The following GMDS variants were observed in gnomAD, a reference collection of about 807,000 sequenced individuals.
The protein encoded by GMDS is GDP-mannose 4,6-dehydratase, also known as GDP-mannose 4,6 dehydratase.
Under a neutral mutation model 49.9 loss-of-function variants are expected in GMDS, and 20 were observed. The ratio of observed to expected loss-of-function variants is 0.40; its 90% CI spans 0.28 to 0.58. The LOEUF is 0.58. Among genes scored for constraint, GMDS ranks in the 20% least tolerant of loss-of-function variants. GMDS has a pLI of 0.42. For synonymous variants in GMDS, 177 were observed against 178.6 expected, an observed-to-expected ratio of 0.99 and a Z score of 0.07; for missense variants, 362 against 481.4, an observed-to-expected ratio of 0.75 and a Z score of 2.32.
At chr6:2,030,705 G>A (rs776421666) in intron 4 of GMDS, among the ~76,000 whole-genome samples, 12 of 152,118 alleles carry the variant, frequency 7.9e-5, no homozygotes, top group Non-Finnish European at 1.3e-4. Context: ...AAGTAGTACA[G>A]TTGACAAACT....
intron 9 of GMDS, among the ~76,000 whole-genome samples, chr6:1,678,371 T>C (rs1764688594): frequency 6.6e-6 from 1 of 152,230 alleles, no homozygotes; most frequent in Admixed American, 6.5e-5. Context: ...TGGCAGCTGC[T>C]GCTCCTGGCA....
intron 4 of GMDS, among the ~76,000 whole-genome samples, chr6:2,104,103 A>G (rs535841141): frequency 1.3e-5 from 2 of 152,300 alleles, no homozygotes; most frequent in African/African-American, 4.8e-5. Context: ...GCAGCAGGCT[A>G]TTGCTTGCCG....
intron 9 of GMDS, chr6:1,679,628 T>A (rs1402751602): frequency 6.6e-6 from 1 of 152,256 alleles, no homozygotes; most frequent in East Asian, 1.9e-4. Context: ...TCTCTGTGGA[T>A]GCTCTCTACT....
chr6:1,732,000 T>C (rs1766826546), intron 8 of GMDS, among the ~76,000 whole-genome samples: 1 of 152,192 alleles, frequency 6.6e-6, no homozygotes, highest in African/African-American at 2.4e-5. Context: ...AGGCATCTGT[T>C]AGCTCTACAG....
At chr6:1,807,354 T>C (rs1158004215) in intron 7 of GMDS, among the ~76,000 whole-genome samples, 1 of 152,232 alleles carries the variant, frequency 6.6e-6, no homozygotes, top group Non-Finnish European at 1.5e-5. Flanking sequence ...TTAGTCACAA[T>C]ATTTAGTTTA....
chr6:1,960,695 G>T, intron 5 of GMDS, 79 bp downstream of exon 5: 1 of 914,122 alleles, frequency 1.1e-6, no homozygotes, highest in Non-Finnish European at 1.6e-6. Context: ...GACATGAACA[G>T]AATGAAAGGA....
chr6:2,155,824 T>C (rs917762358), intron 1 of GMDS, among the ~76,000 whole-genome samples: 4 of 152,182 alleles, frequency 2.6e-5, no homozygotes, highest in Admixed American at 2.6e-4. Flanking sequence ...AAAAGTATTT[T>C]TAAATTAGGT....
chr6:1,801,462 T>C (rs985120087), intron 7 of GMDS, among the ~76,000 whole-genome samples: 1 of 152,216 alleles, frequency 6.6e-6, no homozygotes, highest in Non-Finnish European at 1.5e-5. Context: ...AGAACCTTAA[T>C]ACAGCAGTAA....
intron 7 of GMDS, among the ~76,000 whole-genome samples, chr6:1,743,773 A>T (rs956109287): frequency 2.0e-5 from 1 of 48,798 alleles, no homozygotes; most frequent in African/African-American, 5.5e-5. Context: ...ATGAAGATTT[A>T]AAAAAAAAAA....
At chr6:2,059,930 T>C (rs1024131494) in intron 4 of GMDS, among the ~76,000 whole-genome samples, 2 of 152,034 alleles carry the variant, frequency 1.3e-5, no homozygotes, top group African/African-American at 4.8e-5. Context: ...TATTAGAATC[T>C]ACCTTTTGAA....
At chr6:1,896,397 T>C (rs1760189479) in intron 7 of GMDS, among the ~76,000 whole-genome samples, 3 of 152,068 alleles carry the variant, frequency 2.0e-5, no homozygotes, top group Admixed American at 6.6e-5. Flanking sequence ...GTGGTGAGAA[T>C]AACAAGAGGG....
intron 7 of GMDS, among the ~76,000 whole-genome samples, chr6:1,848,303 T>G (rs1368512133): frequency 1.3e-5 from 2 of 152,146 alleles, no homozygotes; most frequent in East Asian, 3.9e-4. Context: ...TCTGCTCATC[T>G]GTTCCCACCA....
intron 6 of GMDS, among the ~76,000 whole-genome samples, chr6:1,953,811 G>T (rs1763486264): frequency 6.6e-6 from 1 of 151,846 alleles, no homozygotes; most frequent in South Asian, 2.1e-4. Context: ...ACTTATTTAT[G>T]AACTATTTTT....
At chr6:1,803,470 G>A (rs1335565666) in intron 7 of GMDS, among the ~76,000 whole-genome samples, 1 of 151,988 alleles carries the variant, frequency 6.6e-6, no homozygotes, top group Admixed American at 6.6e-5. Flanking sequence ...CAGCCCTTGA[G>A]ACCTTATTGT....
chr6:2,091,877 C>A (rs1177307942), intron 4 of GMDS, among the ~76,000 whole-genome samples: 6 of 151,218 alleles, frequency 4.0e-5, no homozygotes. Flanking sequence ...ACCTGGGCGA[C>A]AGAGCAAGAC....
intron 4 of GMDS, among the ~76,000 whole-genome samples, chr6:2,099,301 G>A (rs1224648910): frequency 6.6e-6 from 1 of 152,104 alleles, no homozygotes; most frequent in East Asian, 1.9e-4. Context: ...TTGAGTGAAA[G>A]TACAGTATTA....
At chr6:1,933,265 T>C (rs1006771861) in intron 6 of GMDS, among the ~76,000 whole-genome samples, 2 of 152,228 alleles carry the variant, frequency 1.3e-5, no homozygotes, top group African/African-American at 4.8e-5. Flanking sequence ...ATACCAAATT[T>C]TATTTAACCG....
intron 4 of GMDS, among the ~76,000 whole-genome samples, chr6:2,048,436 T>C (rs1770161231): frequency 6.6e-6 from 1 of 152,240 alleles, no homozygotes; most frequent in African/African-American, 2.4e-5. Flanking sequence ...TTAATTAATA[T>C]GACTTAAAAT....
chr6:2,102,722 T>C (rs1773995503), intron 4 of GMDS, among the ~76,000 whole-genome samples: 1 of 152,222 alleles, frequency 6.6e-6, no homozygotes, highest in African/African-American at 2.4e-5. Flanking sequence ...TAAAACCCAT[T>C]TGCTATCTCA....
Sources: gnomAD v4.1 joint callset for allele counts (sites outside exome capture counted in the v4.1 genomes callset) on GRCh38, gnomAD v4.1.1 for gene constraint, MANE v1.5 for transcripts, NCBI Gene and HGNC (gene_info 2026-07-23, HGNC 2026-07-21) for gene names.